Variants in HPS1 observed in about 807,000 individuals in gnomAD.
The protein encoded by HPS1 is HPS1 biogenesis of lysosomal organelles complex 3 subunit 1, also known as BLOC-3 complex member HPS1.
Under a neutral mutation model 90.6 loss-of-function variants are expected in HPS1, and 59 were observed. The observed-to-expected ratio is 0.65, with a 90% CI of 0.53 to 0.81. The LOEUF (loss-of-function observed/expected upper bound fraction) is 0.81, where lower values mean the gene tolerates loss of function less well. HPS1 is among the 30% of genes least tolerant of loss of function. The pLI is 0.00. For missense variants in HPS1, 849 were observed against 896.7 expected (o/e 0.95, Z 0.68); for synonymous variants, 388 against 384.4 (o/e 1.01, Z -0.11).
intron 5 of HPS1, among the ~76,000 whole-genome samples, chr10:98,434,431 C>T (rs961763127): frequency 6.7e-6 from 1 of 150,230 alleles, no homozygotes; most frequent in African/African-American, 2.5e-5. Flanking sequence ...GGTCCATCAT[C>T]AGGGCCCTAC....
chr10:98,444,650 C>G (rs1406954357), intron 2 of HPS1, among the ~76,000 whole-genome samples: 3 of 152,218 alleles, frequency 2.0e-5, no homozygotes, highest in African/African-American at 7.2e-5. Flanking sequence ...TCCGTCATCC[C>G]CATGTCCAGC....
At chr10:98,423,287 C>T (rs565388125) in intron 16 of HPS1, among the ~76,000 whole-genome samples, 19 of 148,946 alleles carry the variant, frequency 1.3e-4, no homozygotes, top group South Asian at 4.2e-4. Context: ...GAACCCCCCC[C>T]CCGGTCCCCA....
chr10:98,443,236 T>C lies in HPS1; in HGVS notation c.5A>G (p.Lys2Arg), dbSNP rs756730892. The change falls in exon 3 of 20, where the codon AAG becomes AGG. Residue 2 changes from lysine (K) to arginine (R), a missense_variant. Transcript: ENST00000361490. ...GCCCTCAGTGGCCACCAAGACGCAC[T>C]TCATCTGCCAGGGAAAGGCAAGGTC... MKCVLVATEGAE... is the reference protein window; with the variant it reads MRCVLVATEGAE... The C allele has an allele frequency of 3.1e-6, 5 of 1,612,776 alleles. No homozygotes were observed. The Admixed American group carries it at 8.3e-5, about 27-fold the overall frequency.
At chr10:98,420,409 C>T in intron 17 of HPS1, 1 of 448,932 alleles carries the variant, frequency 2.2e-6, no homozygotes, top group Non-Finnish European at 4.2e-6. Context: ...TTACTATACA[C>T]ATATGCCATA....
intron 8 of HPS1, 22 bp downstream of exon 8, chr10:98,430,549 G>T: frequency 6.5e-7 from 1 of 1,542,812 alleles, no homozygotes; most frequent in Non-Finnish European, 8.8e-7. Context: ...GCCTCCCTCT[G>T]CCCAGAAAGC....
Position 98,424,348 on chromosome 10 carries a change from C to T in HPS1, c.1362G>A (p.Lys454=). The change falls in exon 14 of 20, where the codon AAG becomes AAA. Residue 454 remains lysine, a synonymous_variant. Coordinates refer to ENST00000361490, the MANE Select transcript of HPS1 (RefSeq NM_000195.5). ...IQSTWLEFKA[K]AFSKSEPGSS... ...ATCCGGGCTCACTTTTGGAGAAAGC[C>T]TTGGCCTTAAACTCCAGCCAGGTGC... 6.2e-7 allele frequency: 1 copy of T among 1,612,994 alleles called. No individual in the cohort carries two copies. The highest frequency in any genetic ancestry group is 2.2e-5 in the East Asian group (1 of 44,876).
chr10:98,432,669 T>G (rs1846648363), intron 6 of HPS1, among the ~76,000 whole-genome samples: 1 of 152,252 alleles, frequency 6.6e-6, no homozygotes, highest in East Asian at 1.9e-4. Flanking sequence ...TATCTCATTT[T>G]GTGATTCTAC....
At chr10:98,437,268 C>T (rs1049317734) in intron 3 of HPS1, among the ~76,000 whole-genome samples, 1 of 151,808 alleles carries the variant, frequency 6.6e-6, no homozygotes, top group Admixed American at 6.6e-5. Context: ...TAATGAATAC[C>T]CCACAGATAG....
rs749635115 is a variant in HPS1 at position 98,433,953 on chromosome 10, GT to G, written c.507+29del. 8 of 1,550,784 alleles carry G rather than the reference GT, an allele frequency of 5.2e-6. No individual in the cohort carries two copies. In the African/African-American group the frequency reaches 6.8e-5, roughly 13 times the overall value. On this transcript the variant is annotated intron_variant, in intron 6 of 19. Coordinates refer to ENST00000361490, the MANE Select transcript of HPS1 (RefSeq NM_000195.5). ...GCCCCCTCTGACCTGACAGCTTCAA[GT>G]CCTGAGGACTCCCGCGCCCAGTAGT...
intron 3 of HPS1, among the ~76,000 whole-genome samples, chr10:98,442,199 CTGAG>C (rs1477722729): frequency 1.3e-5 from 2 of 152,148 alleles, no homozygotes; most frequent in Admixed American, 1.3e-4. Flanking sequence ...AATAATTATG[CTGAG>C]TGAAAGCAGT....
intron 10 of HPS1, 119 bp downstream of exon 10, chr10:98,429,454 G>T (rs1262774036): frequency 6.3e-7 from 1 of 1,579,978 alleles, no homozygotes; most frequent in Non-Finnish European, 8.6e-7. Context: ...TAGGAACACG[G>T]GTACCTGCAC....
chr10:98,428,391 G>A (rs1322398548), intron 10 of HPS1, among the ~76,000 whole-genome samples: 1 of 152,222 alleles, frequency 6.6e-6, no homozygotes, highest in Non-Finnish European at 1.5e-5. Context: ...CCCCAGGTGA[G>A]TTCAATATGC....
intron 19 of HPS1, 79 bp downstream of exon 19, chr10:98,418,096 G>A: frequency 1.1e-6 from 1 of 946,494 alleles, no homozygotes; most frequent in South Asian, 1.5e-5. Context: ...TGCTGAAGCA[G>A]AAGCTGCTCC....
In HPS1 at chr10:98,427,283, A is replaced by T. The variant is rs1845739225; in HGVS notation, c.938-19T>A. 1 of 1,546,270 alleles carries T rather than the reference A, an allele frequency of 6.5e-7. No individual in the cohort carries two copies. The highest frequency in any genetic ancestry group is 1.2e-5 in the South Asian group (1 of 83,944). On this transcript the variant is annotated intron_variant, in intron 10 of 19. Transcript: ENST00000361490. The stretch of plus-strand genomic sequence containing the variant: ...GTGCTACCTGCAGGCCACAGGTAAT[A>T]ACATAACGATGTAAGTACCATGAGA...
In HPS1 at chr10:98,418,163, A is replaced by G; in HGVS notation, c.1940+12T>C. The G allele has an allele frequency of 6.3e-7, 1 of 1,580,918 alleles. No individual in the cohort carries two copies. The highest frequency in any genetic ancestry group is 8.7e-7 in the Non-Finnish European group (1 of 1,154,006). On this transcript the variant is annotated intron_variant, in intron 19 of 19. Transcript: ENST00000361490. ...GGGCATCTGTCCCCAGTGGCTCCCA[A>G]CGCAGCGTCACCTGTAGTAGTCTCC...
chr10:98,426,124 A>AGTTTTT, intron 11 of HPS1, 139 bp from the exon 12 acceptor site: 2 of 733,106 alleles, frequency 2.7e-6, no homozygotes, highest in Non-Finnish European at 4.5e-6. Flanking sequence ...CACTCTGCTG[A>AGTTTTT]ACCTGCCCTC....
rs1845255428 is a variant in HPS1 at position 98,423,974 on chromosome 10, G to A, written c.1398-87C>T. On this transcript the variant is annotated intron_variant, in intron 14 of 19. Transcript: ENST00000361490. ...TGGACCACCTTGTTCCTGCACCCAG[G>A]ACAGACAGACCTGGGGAGCCCTTCC... The A allele has an allele frequency of 2.6e-6, 4 of 1,548,790 alleles. No homozygotes were observed. In the South Asian group the frequency reaches 3.4e-5, roughly 13 times the overall value.
intron 8 of HPS1, among the ~76,000 whole-genome samples, chr10:98,430,166 C>T (rs1846227782): frequency 6.6e-6 from 1 of 152,220 alleles, no homozygotes; most frequent in South Asian, 2.1e-4. Flanking sequence ...ACTCACTAAG[C>T]ATTCACTATG....
intron 17 of HPS1, among the ~76,000 whole-genome samples, chr10:98,420,923 G>T (rs986333929): frequency 6.6e-6 from 1 of 152,124 alleles, no homozygotes; most frequent in Non-Finnish European, 1.5e-5. Flanking sequence ...GCTGAGCCAG[G>T]GGGGAAGTCC....
Sources: allele counts gnomAD v4.1 joint callset (sites outside exome capture counted in the v4.1 genomes callset), GRCh38; gene constraint gnomAD v4.1.1; transcripts MANE v1.5; gene names NCBI Gene and HGNC (gene_info 2026-07-23, HGNC 2026-07-21).